LYPLAL1: variants seen among roughly 807,000 people sequenced by gnomAD.
LYPLAL1 encodes the protein lysophospholipase-like protein 1.
A neutral mutation model predicts 19.7 loss-of-function variants in LYPLAL1; 23 were observed. The observed-to-expected ratio is 1.17, with a 90% CI of 0.84 to 1.65. The LOEUF is 1.65. Among genes scored for constraint, LYPLAL1 ranks in the 40% most tolerant of loss-of-function variants. The pLI is 0.00. For missense variants in LYPLAL1, 355 were observed against 279.4 expected, an observed-to-expected ratio of 1.27 and a Z score of -1.93; for synonymous variants, 119 against 96.3, an observed-to-expected ratio of 1.24 and a Z score of -1.38.
chr1:219,439,618 C>T, the LYPLAL1 span, among the ~76,000 whole-genome samples: 188 of 152,172 alleles, frequency 1.2e-3, no homozygotes, highest in African/African-American at 4.4e-3. Flanking sequence ...TATGGACACT[C>T]CTAGGATTGG....
At chr1:219,390,428 G>A in the LYPLAL1 span, among the ~76,000 whole-genome samples, 36,817 of 152,090 alleles carry the variant, frequency 0.24, 4,857 homozygotes, top group African/African-American at 0.34. Flanking sequence ...GAAGAGAAGG[G>A]ACTGGGAGTC....
the LYPLAL1 span, among the ~76,000 whole-genome samples, chr1:219,388,877 A>G: frequency 1.3e-5 from 2 of 152,108 alleles, no homozygotes; most frequent in Non-Finnish European, 1.5e-5. Context: ...TATTCAAAAT[A>G]TCTCTAATTT....
chr1:219,179,192 A>G lies in LYPLAL1; in HGVS notation c.137A>G (p.Asn46Ser). Residue 46 changes from asparagine to serine, a missense_variant, in exon 2 of 5, where the codon AAT becomes AGT. Asn to Ser is a conservative substitution (Grantham distance 46). Coordinates refer to ENST00000366928, the MANE Select transcript of LYPLAL1 (RefSeq NM_138794.5). ...AGAATGTGGATCAAGCAGGTTTTAA[A>G]TCAAGATTTAACATTCCAACACATA... ...GLRMWIKQVL[N>S]QDLTFQHIKI... 6.2e-7 allele frequency: 1 copy of G among 1,612,824 alleles called. No individual in the cohort carries two copies. The highest frequency in any genetic ancestry group is 1.1e-5 in the South Asian group (1 of 90,896).
chr1:219,185,078 T>C (rs1366269033), intron 2 of LYPLAL1, among the ~76,000 whole-genome samples: 2 of 151,930 alleles, frequency 1.3e-5, no homozygotes, highest in African/African-American at 4.8e-5. Flanking sequence ...TTCAATTTCT[T>C]TCATAGAACC....
the LYPLAL1 span, among the ~76,000 whole-genome samples, chr1:219,230,979 A>G: frequency 2.6e-5 from 4 of 152,142 alleles, no homozygotes; most frequent in East Asian, 7.7e-4. Context: ...ATTTTTAGAG[A>G]CTCTCTTAAA....
chr1:219,274,198 A>G, the LYPLAL1 span, among the ~76,000 whole-genome samples: 2 of 152,226 alleles, frequency 1.3e-5, no homozygotes. Flanking sequence ...AGTGGAGTCA[A>G]TCGTTTCCGG....
the LYPLAL1 span, among the ~76,000 whole-genome samples, chr1:219,420,245 T>C: frequency 1.3e-5 from 2 of 152,240 alleles, no homozygotes; most frequent in Non-Finnish European, 2.9e-5. Context: ...AAAAGTCTTG[T>C]TGAAATTCAG....
chr1:219,327,214 TTC>T, the LYPLAL1 span, among the ~76,000 whole-genome samples: 1 of 152,182 alleles, frequency 6.6e-6, no homozygotes, highest in Non-Finnish European at 1.5e-5. Context: ...ACATCACTGC[TTC>T]TCCTCCTCAG....
the LYPLAL1 span, among the ~76,000 whole-genome samples, chr1:219,365,474 A>C: frequency 1.3e-5 from 2 of 152,172 alleles, no homozygotes; most frequent in African/African-American, 2.4e-5. Flanking sequence ...GGCTTCAAAC[A>C]AAAGGAAAAG....
chr1:219,391,543 C>T, the LYPLAL1 span, among the ~76,000 whole-genome samples: 1 of 151,030 alleles, frequency 6.6e-6, no homozygotes, highest in Non-Finnish European at 1.5e-5. Context: ...GGTTTTGGTT[C>T]TGAGTCAATT....
the LYPLAL1 span, among the ~76,000 whole-genome samples, chr1:219,321,246 G>A: frequency 1.3e-5 from 2 of 152,308 alleles, no homozygotes; most frequent in East Asian, 3.9e-4. Flanking sequence ...CTTCTTTTGA[G>A]AAGTGTCTGT....
chr1:219,433,365 C>G, the LYPLAL1 span, among the ~76,000 whole-genome samples: 1 of 152,168 alleles, frequency 6.6e-6, no homozygotes, highest in South Asian at 2.1e-4. Flanking sequence ...AGGAGTCTGT[C>G]TTCTTACTAA....
At chr1:219,422,420 G>A in the LYPLAL1 span, among the ~76,000 whole-genome samples, 2 of 152,094 alleles carry the variant, frequency 1.3e-5, no homozygotes, top group African/African-American at 4.8e-5. Context: ...ACTTCCCAAG[G>A]GTGGCAGAGG....
At chr1:219,327,039 C>A in the LYPLAL1 span, among the ~76,000 whole-genome samples, 3 of 152,154 alleles carry the variant, frequency 2.0e-5, no homozygotes, top group Non-Finnish European at 2.9e-5. Flanking sequence ...GCGGAGATGG[C>A]AGTGAGCCAA....
chr1:219,410,510 T>A, the LYPLAL1 span, among the ~76,000 whole-genome samples: 1 of 152,236 alleles, frequency 6.6e-6, no homozygotes, highest in Admixed American at 6.5e-5. Flanking sequence ...GAGCCCTCGC[T>A]TGCTCTCAGC....
At chr1:219,392,203 G>A in the LYPLAL1 span, among the ~76,000 whole-genome samples, 1 of 151,926 alleles carries the variant, frequency 6.6e-6, no homozygotes, top group Middle Eastern at 3.2e-3. Flanking sequence ...ATCCCTGATC[G>A]CTTTGTCTTT....
At chr1:219,319,556 C>A in the LYPLAL1 span, among the ~76,000 whole-genome samples, 52,032 of 151,960 alleles carry the variant, frequency 0.34, 9,789 homozygotes, top group East Asian at 0.81. Flanking sequence ...CAAACCTTTT[C>A]TCCGCACTCC....
At chr1:219,184,304 TAAA>T (rs1186056400) in intron 2 of LYPLAL1, among the ~76,000 whole-genome samples, 3 of 151,940 alleles carry the variant, frequency 2.0e-5, no homozygotes, top group Non-Finnish European at 4.4e-5. Context: ...AATGGAATGT[TAAA>T]AAACTTAATT....
chr1:219,326,950 G>A, the LYPLAL1 span, among the ~76,000 whole-genome samples: 1 of 152,110 alleles, frequency 6.6e-6, no homozygotes, highest in Non-Finnish European at 1.5e-5. Context: ...AACAACAGCA[G>A]GGGCCGGGCG....
Sources: allele counts gnomAD v4.1 joint callset (sites outside exome capture counted in the v4.1 genomes callset), GRCh38; gene constraint gnomAD v4.1.1; transcripts MANE v1.5; gene names NCBI Gene and HGNC (gene_info 2026-07-23, HGNC 2026-07-21).